Variants in AATK observed in about 807,000 individuals in gnomAD.
The protein encoded by AATK is serine/threonine-protein kinase LMTK1.
AATK carries 91 observed loss-of-function variants against 114.3 expected under a neutral mutation model. The observed-to-expected ratio is 0.80, with a 90% CI of 0.67 to 0.95. The LOEUF (loss-of-function observed/expected upper bound fraction) is 0.95, where lower values mean the gene tolerates loss of function less well. Ranked by LOEUF, AATK falls within the 40% of genes least tolerant of loss-of-function variation. AATK has a pLI of 0.00. For missense variants in AATK, 2,176 were observed against 1,965.2 expected (o/e 1.11, Z -2.03); for synonymous variants, 1,075 against 916.5 (o/e 1.17, Z -3.12).
At chr17:81,146,390 C>T (rs1263402423) in intron 1 of AATK, among the ~76,000 whole-genome samples, 4 of 151,582 alleles carry the variant, frequency 2.6e-5, no homozygotes, top group Admixed American at 1.3e-4. Flanking sequence ...AAGCAAACTA[C>T]GTGAAGTCAG....
At chr17:81,154,816 G>C (rs1377468850) in intron 1 of AATK, among the ~76,000 whole-genome samples, 4 of 110,272 alleles carry the variant, frequency 3.6e-5, no homozygotes, top group Non-Finnish European at 7.0e-5. Flanking sequence ...TTTTAGTAGA[G>C]ACGGGGTTTC....
intron 1 of AATK, among the ~76,000 whole-genome samples, chr17:81,141,124 G>A (rs1297083740): frequency 1.3e-5 from 2 of 152,050 alleles, no homozygotes; most frequent in Non-Finnish European, 2.9e-5. Context: ...TCTCCCCAGA[G>A]CCCAGCCTCC....
Position 81,122,497 on chromosome 17 carries a change from T to C in AATK, c.1439A>G (p.Lys480Arg), listed in dbSNP as rs1387233930. 1.4e-6 allele frequency: 2 copies of C among 1,469,674 alleles called. No individual in the cohort carries two copies. The highest frequency in any genetic ancestry group is 1.3e-5 in the South Asian group (1 of 79,776). 91.0% of individuals were successfully genotyped at this position (1,469,674 alleles called of 1,614,324 possible). A position where few individuals can be genotyped will look rare whatever the true frequency, so the allele number is the denominator to read the frequency against. ...ETSRGLNFEYKWEAGRGAEAF... is the reference protein window; with the variant it reads ...ETSRGLNFEYRWEAGRGAEAF... ...CTCCGCGCCGCGGCCCGCCTCCCACTTGTACTCAAAATTGAGGCCTCGGCT... is the reference window on the plus strand; with the variant it reads ...CTCCGCGCCGCGGCCCGCCTCCCACCTGTACTCAAAATTGAGGCCTCGGCT... Residue 480 changes from lysine to arginine, a missense_variant, in exon 11 of 14, where the codon AAG becomes AGG. Transcript: ENST00000326724.
chr17:81,137,311 G>A (rs530635806), intron 1 of AATK, among the ~76,000 whole-genome samples: 126 of 151,944 alleles, frequency 8.3e-4, no homozygotes, highest in Admixed American at 1.1e-3. Flanking sequence ...TGAGGACACT[G>A]GGTCCCGTGG....
At chr17:81,142,845 C>T (rs1242732932) in intron 1 of AATK, among the ~76,000 whole-genome samples, 1 of 149,600 alleles carries the variant, frequency 6.7e-6, no homozygotes, top group Non-Finnish European at 1.5e-5. Context: ...ACCACCCTAT[C>T]CACGGAGGTG....
chr17:81,142,938 C>T (rs2061159884), intron 1 of AATK, among the ~76,000 whole-genome samples: 1 of 152,240 alleles, frequency 6.6e-6, no homozygotes, highest in South Asian at 2.1e-4. Flanking sequence ...GGACAGGAGG[C>T]TCCTGGGACT....
rs533211832 is a variant in AATK, at chr17:81,126,506, C to T, written c.676G>A (p.Asp226Asn). The change falls in exon 7 of 14, where the codon GAC becomes AAC. Residue 226 changes from aspartate to asparagine, a missense_variant. Physicochemically the swap from Asp to Asn is conservative, Grantham distance 23. This residue lies in a region of AATK where 273 missense variants were observed against 344.1 expected (regional missense o/e 0.79). Coordinates refer to ENST00000326724, the MANE Select transcript of AATK (RefSeq NM_001080395.3). This position sits in a 1 kb window ranked among gnomAD's most constrained non-coding sequence, Gnocchi z 5.1. ...SCRVAESMAP[D>N]PRTLQRMACE... ...GCCATGCGCTGCAGGGTCCGGGGGTCGGGAGCCATGGACTCCGCCACCCGG... is the reference window on the plus strand; with the variant it reads ...GCCATGCGCTGCAGGGTCCGGGGGTTGGGAGCCATGGACTCCGCCACCCGG... The T allele has an allele frequency of 1.9e-4, 294 of 1,550,990 alleles. No homozygotes were observed. In the South Asian group the frequency reaches 2.0e-3, roughly 10 times the overall value.
rs1299293589 is a variant in AATK, at chr17:81,126,442, T to C, written c.740A>G (p.Asn247Ser). The change falls in exon 7 of 14, where the codon AAC becomes AGC. Residue 247 changes from asparagine to serine, a missense_variant. By Grantham distance (46) the Asn-to-Ser change is conservative. This residue lies in a region of AATK where 273 missense variants were observed against 344.1 expected (regional missense o/e 0.79). Coordinates refer to ENST00000326724, the MANE Select transcript of AATK (RefSeq NM_001080395.3). This position sits in a 1 kb window ranked among gnomAD's most constrained non-coding sequence, Gnocchi z 5.1. ...CCGCCCTCACCTGTGCACGAAATTGTTGCGATGAAGGTGCAGGACGCCACA... is the reference window on the plus strand; with the variant it reads ...CCGCCCTCACCTGTGCACGAAATTGCTGCGATGAAGGTGCAGGACGCCACA... ...VACGVLHLHR[N>S]NFVHSDLALR... 2 of 1,563,502 alleles carry C rather than the reference T, an allele frequency of 1.3e-6. No homozygotes were observed. Among genetic ancestry groups the C allele is most frequent in the South Asian group, 1.2e-5 (1 of 84,902 alleles).
chr17:81,133,763 G>A (rs1437335654), intron 2 of AATK, among the ~76,000 whole-genome samples: 1 of 152,156 alleles, frequency 6.6e-6, no homozygotes, highest in African/African-American at 2.4e-5. Context: ...CAGGGGCCTT[G>A]GCCTCCAGAG....
intron 1 of AATK, among the ~76,000 whole-genome samples, chr17:81,154,975 T>C (rs558514215): frequency 2.0e-4 from 31 of 152,344 alleles, no homozygotes; most frequent in African/African-American, 7.5e-4. Flanking sequence ...TACAGCTCGC[T>C]GTGCTCTGTG....
intron 1 of AATK, among the ~76,000 whole-genome samples, 183 bp from the exon 2 acceptor site, chr17:81,134,684 C>G (rs1268501859): frequency 3.9e-5 from 6 of 152,226 alleles, no homozygotes; most frequent in Non-Finnish European, 8.8e-5. Flanking sequence ...AGCCTGCAGT[C>G]CTGCAGCCAG....
intron 13 of AATK, among the ~76,000 whole-genome samples, 157 bp downstream of exon 13, chr17:81,119,221 GCT>G (rs879885131): frequency 0.053 from 7,328 of 137,628 alleles, 348 homozygotes; most frequent in East Asian, 0.08. Flanking sequence ...CGGGGTCCAG[GCT>G]AGGTCTGGGG....
At chr17:81,137,623 C>T (rs1393973471) in intron 1 of AATK, among the ~76,000 whole-genome samples, 1 of 152,122 alleles carries the variant, frequency 6.6e-6, no homozygotes, top group Non-Finnish European at 1.5e-5. Flanking sequence ...GGACTAGTGC[C>T]CTGGGAACCA....
At chr17:81,133,765 C>A (rs1027116821) in intron 2 of AATK, among the ~76,000 whole-genome samples, 10 of 152,122 alleles carry the variant, frequency 6.6e-5, no homozygotes, top group Non-Finnish European at 1.0e-4. Context: ...GGGGCCTTGG[C>A]CTCCAGAGGG....
In AATK at chr17:81,138,544, GTGCA is replaced by G. The variant is rs1567817976; in HGVS notation, c.56-4047_56-4044del. On this transcript the variant is annotated intron_variant, in intron 1 of 13. Coordinates refer to ENST00000326724, the MANE Select transcript of AATK (RefSeq NM_001080395.3). The stretch of plus-strand genomic sequence containing the variant: ...CACACACGTGCACATACACGTTCGC[GTGCA>G]CACACGTGCACACATACCCCCACAC... 7.2e-5 allele frequency among the ~76,000 whole-genome samples: 10 copies of G among 139,482 alleles called. No homozygotes were observed. In the South Asian group the frequency reaches 1.6e-3, roughly 22 times the overall value. The allele number at this position is 139,482 out of a possible 152,430, so 91.5% of individuals were successfully genotyped here. A position where few individuals can be genotyped will look rare whatever the true frequency, so the allele number is the denominator to read the frequency against.
At chr17:81,165,867 T>C (rs1748679326) in intron 1 of AATK, 71 bp downstream of exon 1, 1 of 1,535,350 alleles carries the variant, frequency 6.5e-7, no homozygotes, top group African/African-American at 1.4e-5. Context: ...CCGGGAGCCG[T>C]GGGGCCCAGG....
intron 9 of AATK, among the ~76,000 whole-genome samples, chr17:81,123,800 A>G (rs553244419): frequency 1.3e-5 from 2 of 151,104 alleles, no homozygotes; most frequent in African/African-American, 4.9e-5. Flanking sequence ...GCTGGGTAAC[A>G]GGCAGGGGTG....
At chr17:81,156,198 A>G (rs1252189832) in intron 1 of AATK, among the ~76,000 whole-genome samples, 1 of 143,758 alleles carries the variant, frequency 7.0e-6, no homozygotes, top group African/African-American at 2.6e-5. Flanking sequence ...GTATGTTATC[A>G]TGTTACAATG....
intron 11 of AATK, 42 bp downstream of exon 11, chr17:81,120,159 C>T (rs1321029207): frequency 2.0e-6 from 3 of 1,523,322 alleles, no homozygotes; most frequent in East Asian, 2.3e-5. Context: ...TGCGGGAGCG[C>T]GACCCCCAGC....
Sources: allele counts gnomAD v4.1 joint callset (sites outside exome capture counted in the v4.1 genomes callset), GRCh38; gene constraint gnomAD v4.1.1; regional missense constraint gnomAD v4.1.1; non-coding constraint Gnocchi (gnomAD v3.1); transcripts MANE v1.5; gene names NCBI Gene and HGNC (gene_info 2026-07-23, HGNC 2026-07-21).